The following TSPEAR variants were observed in gnomAD, a reference collection of about 807,000 sequenced individuals.
The protein encoded by TSPEAR is thrombospondin-type laminin G domain and EAR repeat-containing protein.
TSPEAR carries 69 observed loss-of-function variants against 71.6 expected under a neutral mutation model. That is an observed-to-expected ratio of 0.96 (90% CI 0.79 to 1.18). The LOEUF is 1.18. Among genes scored for constraint, TSPEAR ranks in the 50% most tolerant of loss-of-function variants. TSPEAR has a pLI of 0.00. For synonymous variants in TSPEAR, 402 were observed against 387.2 expected (o/e 1.04, Z -0.45); for missense variants, 971 against 894.9 (o/e 1.09, Z -1.09).
At chr21:44,527,569 C>T (rs782291695) in intron 6 of TSPEAR, 51 bp from the exon 7 acceptor site, 2 of 1,580,554 alleles carry the variant, frequency 1.3e-6, no homozygotes, top group South Asian at 1.1e-5. Context: ...AACGGAAATC[C>T]AGAGCAATCC....
At chr21:44,553,442 A>C (rs143842199) in intron 2 of TSPEAR, among the ~76,000 whole-genome samples, 56 of 152,366 alleles carry the variant, frequency 3.7e-4, no homozygotes, top group African/African-American at 1.3e-3. Flanking sequence ...CAGAAGAGCA[A>C]AACTAATACC....
At chr21:44,611,326 C>T (rs587647569) in intron 1 of TSPEAR, among the ~76,000 whole-genome samples, 2 of 152,174 alleles carry the variant, frequency 1.3e-5, no homozygotes, top group East Asian at 3.9e-4. Flanking sequence ...TTTTCCTGTG[C>T]TATTCTAGTG....
At chr21:44,517,895 T>C (rs2052630203) in intron 9 of TSPEAR, 1 of 469,880 alleles carries the variant, frequency 2.1e-6, no homozygotes, top group Non-Finnish European at 4.4e-6. Context: ...TGATGAGATC[T>C]GGGCGGTTTT....
intron 1 of TSPEAR, chr21:44,591,530 G>A: frequency 1.2e-6 from 2 of 1,613,966 alleles, no homozygotes; most frequent in Middle Eastern, 1.7e-4. Context: ...GAGGGGACGG[G>A]CACGCAGCAG....
chr21:44,574,605 C>T lies in TSPEAR; in HGVS notation c.83-6600G>A, dbSNP rs1978317632. The T allele has an allele frequency of 2.3e-6, 3 of 1,298,676 alleles. No individual in the cohort carries two copies. In the East Asian group the frequency reaches 9.3e-5, roughly 40 times the overall value. 80.4% of individuals were successfully genotyped at this position (1,298,676 alleles called of 1,614,324 possible). ...CTGCTGCAAGCCTGTGTGCTGCAAG[C>T]CTGTCTGCTCTGTGCCCATCTGCTC... On this transcript the variant is annotated intron_variant, in intron 1 of 11. Transcript: ENST00000323084.
At chr21:44,552,827 C>T (rs1430316555) in intron 2 of TSPEAR, among the ~76,000 whole-genome samples, 2 of 152,174 alleles carry the variant, frequency 1.3e-5, no homozygotes, top group Admixed American at 6.5e-5. Flanking sequence ...CCAGTCACTC[C>T]GCCCTCCATG....
intron 9 of TSPEAR, among the ~76,000 whole-genome samples, chr21:44,513,008 C>A (rs2052437892): frequency 6.6e-6 from 1 of 152,226 alleles, no homozygotes; most frequent in Non-Finnish European, 1.5e-5. Context: ...GGTCCCTGTT[C>A]AATCTAAATT....
intron 2 of TSPEAR, among the ~76,000 whole-genome samples, chr21:44,556,321 A>G (rs2053526733): frequency 6.6e-6 from 1 of 152,080 alleles, no homozygotes. Flanking sequence ...AGTTGTACTG[A>G]GCGGAGATTG....
chr21:44,706,051 G>A (rs1280939387), intron 1 of TSPEAR, among the ~76,000 whole-genome samples: 3 of 152,130 alleles, frequency 2.0e-5, no homozygotes, highest in African/African-American at 7.2e-5. Context: ...TAGGAAAATA[G>A]AAAAGAACCT....
intron 2 of TSPEAR, among the ~76,000 whole-genome samples, chr21:44,548,578 G>A (rs1555918047): frequency 6.6e-6 from 1 of 152,212 alleles, no homozygotes; most frequent in African/African-American, 2.4e-5. Context: ...GAGTGCAGAT[G>A]GAGCCAGTTT....
chr21:44,696,736 G>A (rs528230214), intron 1 of TSPEAR, among the ~76,000 whole-genome samples: 64 of 152,286 alleles, frequency 4.2e-4, no homozygotes, highest in Middle Eastern at 3.4e-3. Context: ...ACAGAGGGGC[G>A]GCCAAGGGCT....
At chr21:44,557,200 C>G (rs1449686558) in intron 2 of TSPEAR, among the ~76,000 whole-genome samples, 3 of 152,126 alleles carry the variant, frequency 2.0e-5, no homozygotes, top group Admixed American at 2.0e-4. Flanking sequence ...TGAGAGGGTT[C>G]CTCACATAAG....
chr21:44,649,737 C>T (rs1555941045), intron 1 of TSPEAR, among the ~76,000 whole-genome samples: 2 of 152,312 alleles, frequency 1.3e-5, no homozygotes, highest in Non-Finnish European at 2.9e-5. Flanking sequence ...GGCCCAGCTT[C>T]GGGCCTTCCT....
chr21:44,681,218 G>A (rs1482241101), intron 1 of TSPEAR, among the ~76,000 whole-genome samples: 4 of 152,202 alleles, frequency 2.6e-5, no homozygotes, highest in Admixed American at 1.3e-4. Flanking sequence ...GATCCTCCGC[G>A]ACCCGGGAAG....
At chr21:44,504,478 C>T (rs1338316315) in intron 11 of TSPEAR, among the ~76,000 whole-genome samples, 13 of 136,976 alleles carry the variant, frequency 9.5e-5, no homozygotes, top group East Asian at 2.2e-4. Context: ...TGGAGGAGGC[C>T]GGCCTCGGTG....
At chr21:44,702,613 G>A in intron 1 of TSPEAR, 3 of 1,604,478 alleles carry the variant, frequency 1.9e-6, no homozygotes. Context: ...CTCCTCCTCT[G>A]TGTCCCTCCT....
At chr21:44,624,005 T>C (rs1343412572) in intron 1 of TSPEAR, among the ~76,000 whole-genome samples, 1 of 152,174 alleles carries the variant, frequency 6.6e-6, no homozygotes, top group Non-Finnish European at 1.5e-5. Context: ...ACTACCCTTA[T>C]TTTACTCATC....
At chr21:44,631,894 ATGG>A (rs1983277450) in intron 1 of TSPEAR, among the ~76,000 whole-genome samples, 1 of 152,154 alleles carries the variant, frequency 6.6e-6, no homozygotes, top group Non-Finnish European at 1.5e-5. Flanking sequence ...AGAAAGTAAA[ATGG>A]TGGTTGCCAG....
chr21:44,701,220 G>A (rs1987632440), intron 1 of TSPEAR, among the ~76,000 whole-genome samples: 1 of 152,230 alleles, frequency 6.6e-6, no homozygotes, highest in Non-Finnish European at 1.5e-5. Context: ...GGTGCCCAGA[G>A]CTCCCACCAT....
Sources: gnomAD v4.1 joint callset for allele counts (sites outside exome capture counted in the v4.1 genomes callset) on GRCh38, gnomAD v4.1.1 for gene constraint, MANE v1.5 for transcripts, NCBI Gene and HGNC (gene_info 2026-07-23, HGNC 2026-07-21) for gene names.